PPP6R2: variants seen among roughly 807,000 people sequenced by gnomAD.
PPP6R2 encodes the protein serine/threonine-protein phosphatase 6 regulatory subunit 2.
PPP6R2 carries 62 observed loss-of-function variants against 100.2 expected under a neutral mutation model. The observed-to-expected ratio is 0.62, with a 90% confidence interval of 0.50 to 0.76. PPP6R2 has a LOEUF of 0.76. Among genes scored for constraint, PPP6R2 ranks in the 30% least tolerant of loss-of-function variants. PPP6R2 has a pLI of 0.00. For synonymous variants in PPP6R2, 525 were observed against 514.7 expected (o/e 1.02, Z -0.27); for missense variants, 1,142 against 1,276.3 (o/e 0.89, Z 1.60).
intron 2 of PPP6R2, 47 bp from the exon 3 acceptor site, chr22:50,393,846 T>TG: frequency 6.2e-7 from 1 of 1,605,690 alleles, no homozygotes; most frequent in East Asian, 2.2e-5. Context: ...TTGCTGAAGG[T>TG]GGATTTGCAA....
intron 8 of PPP6R2, among the ~76,000 whole-genome samples, chr22:50,420,538 G>C (rs1192936683): frequency 6.6e-6 from 1 of 152,212 alleles, no homozygotes; most frequent in Admixed American, 6.5e-5. Context: ...ATTTCAGGAA[G>C]TGTTTGAAAC....
At position 50,423,488 on chromosome 22, in the gene PPP6R2, T is replaced by A. The variant is rs747912934; in HGVS notation, c.999T>A (p.Gly333=). Residue 333 remains glycine, a synonymous_variant, in exon 10 of 24, where the codon GGT becomes GGA. Coordinates refer to ENST00000612753, the MANE Select transcript of PPP6R2 (RefSeq NM_001242898.2). This position sits in a 1 kb window ranked among gnomAD's most constrained non-coding sequence, Gnocchi z 4.8. ...AGAAAGCGATCCTGACCACCATTGGTGTGCTGGAGGAGCCCCTGGGGAATG... is the reference window on the plus strand; with the variant it reads ...AGAAAGCGATCCTGACCACCATTGGAGTGCTGGAGGAGCCCCTGGGGAATG... ...PKKKAILTTI[G]VLEEPLGNAR... 6.2e-7 allele frequency: 1 copy of A among 1,614,212 alleles called. No individual in the cohort carries two copies. The highest frequency in any genetic ancestry group is 2.2e-5 in the East Asian group (1 of 44,886).
intron 1 of PPP6R2, among the ~76,000 whole-genome samples, chr22:50,347,321 G>A (rs1341173479): frequency 6.6e-6 from 1 of 151,920 alleles, no homozygotes; most frequent in Non-Finnish European, 1.5e-5. Context: ...TTCAGTGCCC[G>A]CTGTCATCAC....
chr22:50,408,268 T>A (rs2059256139), intron 4 of PPP6R2, among the ~76,000 whole-genome samples: 1 of 152,184 alleles, frequency 6.6e-6, no homozygotes, highest in South Asian at 2.1e-4. Context: ...TAACCGTAAT[T>A]GTTTCATACC....
chr22:50,443,710 C>A, intron 22 of PPP6R2, 156 bp from the exon 23 acceptor site: 2 of 1,104,200 alleles, frequency 1.8e-6, no homozygotes, highest in Non-Finnish European at 2.5e-6. Context: ...TAGCTGGGCA[C>A]AACCTGGGCC....
rs2050116472 is a variant in PPP6R2, at chr22:50,371,122, A to C, written c.-147-898A>C. Among the ~76,000 whole-genome samples, 3 of 152,200 alleles carry C rather than the reference A, an allele frequency of 2.0e-5. No individual in the cohort carries two copies. The South Asian group carries it at 6.2e-4, about 32-fold the overall frequency. On this transcript the variant is annotated intron_variant, in intron 1 of 23. Transcript: ENST00000612753. ...TACCTGACAACGCCAATTAAACATA[A>C]TACTCCACCCATCCTACAAATTATT...
At chr22:50,355,214 A>G (rs1431163299) in intron 1 of PPP6R2, among the ~76,000 whole-genome samples, 3 of 149,256 alleles carry the variant, frequency 2.0e-5, no homozygotes, top group African/African-American at 7.4e-5. Flanking sequence ...ATATCCACAT[A>G]CAGCAAGCAG....
At chr22:50,408,458 T>G (rs7511136) in intron 4 of PPP6R2, among the ~76,000 whole-genome samples, 59,533 of 151,954 alleles carry the variant, frequency 0.39, 12,140 homozygotes, top group East Asian at 0.73. Context: ...GCCAGGGGAC[T>G]GCCTCACCTC....
intron 1 of PPP6R2, among the ~76,000 whole-genome samples, chr22:50,364,149 G>A (rs887006068): frequency 2.0e-5 from 3 of 151,924 alleles, no homozygotes; most frequent in African/African-American, 7.3e-5. Flanking sequence ...TGCCCACCTC[G>A]GCCTCCCAAA....
intron 2 of PPP6R2, among the ~76,000 whole-genome samples, chr22:50,383,786 C>T (rs1055403685): frequency 6.6e-6 from 1 of 152,096 alleles, no homozygotes; most frequent in African/African-American, 2.4e-5. Flanking sequence ...ACTGTAATTG[C>T]AGCACTTTGG....
rs2063391119 is a variant in PPP6R2 at position 50,432,696 on chromosome 22, T to A, written c.1400+367T>A. Among the ~76,000 whole-genome samples, 4 of 152,334 alleles carry A rather than the reference T, an allele frequency of 2.6e-5. No homozygotes were observed. The South Asian group carries it at 8.3e-4, about 32-fold the overall frequency. On this transcript the variant is annotated intron_variant, in intron 12 of 23. Coordinates refer to ENST00000612753, the MANE Select transcript of PPP6R2 (RefSeq NM_001242898.2). ...CGCACACAGGGACGCGTTATTTTGGTCTTTCCATCTTCTGCTTAATGGGTG... is the reference window on the plus strand; with the variant it reads ...CGCACACAGGGACGCGTTATTTTGGACTTTCCATCTTCTGCTTAATGGGTG...
intron 1 of PPP6R2, among the ~76,000 whole-genome samples, chr22:50,348,899 AC>A: frequency 6.6e-6 from 1 of 152,010 alleles, no homozygotes; most frequent in Non-Finnish European, 1.5e-5. Flanking sequence ...CTCTACAAAA[AC>A]AAAAAGCAGG....
At chr22:50,439,675 TG>T in intron 19 of PPP6R2, 25 bp from the exon 20 acceptor site, 1 of 1,544,944 alleles carries the variant, frequency 6.5e-7, no homozygotes, top group Non-Finnish European at 8.8e-7. Flanking sequence ...TGCCCACGCC[TG>T]ACCACTGTGT....
upstream of PPP6R2, among the ~76,000 whole-genome samples, chr22:50,338,431 TGTGTGTAGA>T (rs1457449155): frequency 7.0e-6 from 1 of 143,518 alleles, no homozygotes; most frequent in Non-Finnish European, 1.5e-5. Context: ...GGGTGTGTGG[TGTGTGTAGA>T]GTGTGTGGTG....
chr22:50,426,150 G>A (rs2062092604), intron 10 of PPP6R2, among the ~76,000 whole-genome samples: 1 of 151,984 alleles, frequency 6.6e-6, no homozygotes, highest in Admixed American at 6.6e-5. Flanking sequence ...ATGGGGTCTC[G>A]CTATGTTGAT....
At chr22:50,426,628 A>G (rs1214591771) in intron 10 of PPP6R2, among the ~76,000 whole-genome samples, 1 of 152,088 alleles carries the variant, frequency 6.6e-6, no homozygotes, top group Non-Finnish European at 1.5e-5. Context: ...TGAGGTCAGG[A>G]GTTTGTGACC....
At chr22:50,421,250 A>G (rs985033872) in intron 8 of PPP6R2, among the ~76,000 whole-genome samples, 1 of 152,266 alleles carries the variant, frequency 6.6e-6, no homozygotes, top group Admixed American at 6.5e-5. Context: ...GCCACTTCTG[A>G]GGCCCAAGCT....
chr22:50,437,995 G>A (rs1569493498), intron 17 of PPP6R2, 95 bp downstream of exon 17: 1 of 1,520,180 alleles, frequency 6.6e-7, no homozygotes, highest in Non-Finnish European at 9.0e-7. Flanking sequence ...TGTGCGGTGG[G>A]GCTGGGAGAG....
chr22:50,365,600 A>T (rs1602381600), intron 1 of PPP6R2, among the ~76,000 whole-genome samples: 1 of 148,360 alleles, frequency 6.7e-6, no homozygotes, highest in Admixed American at 6.8e-5. Context: ...AATGGCATGA[A>T]CCCGGGAGGC....
Sources: gnomAD v4.1 joint callset for allele counts (sites outside exome capture counted in the v4.1 genomes callset) on GRCh38, gnomAD v4.1.1 for gene constraint, Gnocchi (gnomAD v3.1) non-coding constraint, MANE v1.5 for transcripts, NCBI Gene and HGNC (gene_info 2026-07-23, HGNC 2026-07-21) for gene names.